Variants in DNAH17 observed in about 807,000 individuals in gnomAD.
The protein encoded by DNAH17 is dynein axonemal heavy chain 17.
DNAH17 carries 376 observed loss-of-function variants against 485.6 expected under a neutral mutation model. The observed-to-expected ratio is 0.77, with a 90% CI of 0.71 to 0.84. DNAH17 has a LOEUF of 0.84. Among genes scored for constraint, DNAH17 ranks in the 40% least tolerant of loss-of-function variants. The pLI is 0.00. For missense variants in DNAH17, 6,370 were observed against 5,839.3 expected (o/e 1.09, Z -2.96); for synonymous variants, 3,031 against 2,405.9 (o/e 1.26, Z -7.60).
Position 78,485,986 on chromosome 17 carries a change from C to G in DNAH17, c.7249G>C (p.Glu2417Gln). 1 of 1,613,254 alleles carries G rather than the reference C, an allele frequency of 6.2e-7. No individual in the cohort carries two copies. The highest frequency in any genetic ancestry group is 8.5e-7 in the Non-Finnish European group (1 of 1,179,820). Residue 2417 changes from glutamate (E) to glutamine (Q), a missense_variant, in exon 46 of 81, where the codon GAG becomes CAG. Transcript: ENST00000389840. The part of the protein sequence containing the change: ...LPWTDKVPSF[E>Q]LDPDVPLQAS... ...TGCAGTGGGACATCGGGATCCAGCT[C>G]AAAGGAGGGCACTTTATCTGTCCAG...
chr17:78,511,111 A>T (rs555680236), intron 26 of DNAH17, among the ~76,000 whole-genome samples: 124 of 152,268 alleles, frequency 8.1e-4, no homozygotes, highest in African/African-American at 2.9e-3. Context: ...GAGAAAACAC[A>T]GGTCTGTTTT....
In DNAH17 at chr17:78,426,474, G is replaced by A. The variant is rs764761137; in HGVS notation, c.12898C>T (p.Leu4300=). 1.5e-5 allele frequency: 24 copies of A among 1,608,248 alleles called. No individual in the cohort carries two copies. The African/African-American group carries it at 1.9e-4, about 13-fold the overall frequency. ...GCACTTACCCTGATGCGGAGCAGCA[G>A]GTCTGCGTACCAGGCCGCCAGGCCC... ...MMGLAAWYAD[L]LLRIRELEAW... The change falls in exon 79 of 81, where the codon CTG becomes TTG. Residue 4300 remains leucine (L), a synonymous_variant. Transcript: ENST00000389840.
At chr17:78,535,105 G>A (rs377582193) in intron 19 of DNAH17, among the ~76,000 whole-genome samples, 12 of 152,270 alleles carry the variant, frequency 7.9e-5, no homozygotes, top group African/African-American at 2.9e-4. Flanking sequence ...AGCGTCCCAG[G>A]GTGTCTGCAA....
chr17:78,572,825 C>T lies in DNAH17; in HGVS notation c.415G>A (p.Val139Met), dbSNP rs768709914. Residue 139 changes from valine to methionine, a missense_variant, in exon 3 of 81, where the codon GTG becomes ATG. Coordinates refer to ENST00000389840, the MANE Select transcript of DNAH17 (RefSeq NM_173628.4). ...TTCTTCAGCCTGTGGACCTGCTTCA[C>T]GATGTCTTCCGAGACCACCTGGGGC... The part of the protein sequence containing the change: ...GWPQVVSEDI[V>M]KQVHRLKNEM... The T allele has an allele frequency of 1.4e-5, 22 of 1,613,858 alleles. No homozygotes were observed. The highest frequency in any genetic ancestry group is 3.3e-5 in the South Asian group (3 of 91,072).
intron 22 of DNAH17, among the ~76,000 whole-genome samples, chr17:78,528,319 G>A (rs2091132925): frequency 6.6e-6 from 1 of 152,082 alleles, no homozygotes; most frequent in South Asian, 2.1e-4. Context: ...AGAGTCCAGT[G>A]GTACAATCAT....
intron 48 of DNAH17, 66 bp downstream of exon 48, chr17:78,484,802 C>CCCGCCCTGGCCCCGCCCTCA: frequency 8.1e-7 from 1 of 1,234,218 alleles, no homozygotes; most frequent in Non-Finnish European, 1.0e-6. Flanking sequence ...CTTCCTGCGC[C>CCCGCCCTGGCCCCGCCCTCA]CCGCCCTGGC....
Position 78,453,365 on chromosome 17 carries a change from T to C in DNAH17, c.10507A>G (p.Arg3503Gly). 2 of 1,613,690 alleles carry C rather than the reference T, an allele frequency of 1.2e-6. No individual in the cohort carries two copies. Among genetic ancestry groups the C allele is most frequent in the Non-Finnish European group, 1.7e-6 (2 of 1,179,760 alleles). Residue 3503 changes from arginine (R) to glycine (G), a missense_variant, in exon 65 of 81, where the codon AGG (arginine) becomes GGG (glycine). By Grantham distance (125) the Arg-to-Gly change is moderately radical. Coordinates refer to ENST00000389840, the MANE Select transcript of DNAH17 (RefSeq NM_173628.4). Reference sequence around the variant, plus strand: ...CACTTTCCCTTTTTAATCGTGTTCCTGCCCAGTAGAGGGTCCAGCACGGGG... The same window carrying C: ...CACTTTCCCTTTTTAATCGTGTTCCCGCCCAGTAGAGGGTCCAGCACGGGG... ...VDPVLDPLLG[R>G]NTIKKGKYIK...
chr17:78,543,722 G>T, intron 17 of DNAH17, 135 bp downstream of exon 17: 1 of 1,352,374 alleles, frequency 7.4e-7, no homozygotes, highest in Non-Finnish European at 1.0e-6. Context: ...ACTGCATCCA[G>T]CCAGGTCACA....
At position 78,503,211 on chromosome 17, in the gene DNAH17, G is replaced by C. The variant is rs2090363333; in HGVS notation, c.4957-200C>G. The stretch of plus-strand genomic sequence containing the variant: ...TTTTTTTTTTTTAAGATGGAGTCTT[G>C]CTCTGTCACCCAGGCTGGAGTGCAG... On this transcript the variant is annotated intron_variant, in intron 31 of 80. Transcript: ENST00000389840. 4.2e-5 allele frequency among the ~76,000 whole-genome samples: 5 copies of C among 118,292 alleles called. No homozygotes were observed. In the South Asian group the frequency reaches 1.4e-3, roughly 34 times the overall value. The allele number at this position is 118,292 out of a possible 152,430, so 77.6% of individuals were successfully genotyped here.
At position 78,514,955 on chromosome 17, in the gene DNAH17, A is replaced by G. The variant is rs1568183519; in HGVS notation, c.3932T>C (p.Ile1311Thr). Residue 1311 changes from isoleucine to threonine, a missense_variant, in exon 26 of 81, where the codon ATA becomes ACA. Ile to Thr is a moderately conservative substitution (Grantham distance 89). Coordinates refer to ENST00000389840, the MANE Select transcript of DNAH17 (RefSeq NM_173628.4). ...GTCCTTGGCAAACTTCTTACAATCT[A>G]TGTCCATCTGCTCAACGTTGATATC... ...WKDINVEQMD[I>T]DCKKFAKDMR... is the part of the protein sequence containing the mutation. The G allele has an allele frequency of 6.2e-7, 1 of 1,613,930 alleles. No homozygotes were observed.
At chr17:78,434,850 G>C (rs888884305) in intron 74 of DNAH17, among the ~76,000 whole-genome samples, 6 of 152,330 alleles carry the variant, frequency 3.9e-5, no homozygotes, top group Admixed American at 2.6e-4. Flanking sequence ...TGCTCCACCT[G>C]CTCTACTCAG....
intron 2 of DNAH17, 142 bp downstream of exon 2, chr17:78,574,571 C>G (rs561377641): frequency 1.4e-6 from 1 of 710,660 alleles, no homozygotes; most frequent in African/African-American, 1.8e-5. Flanking sequence ...TGGACGGGGC[C>G]CGAGCGCCTG....
intron 53 of DNAH17, 89 bp downstream of exon 53, chr17:78,475,580 C>T (rs1463996194): frequency 1.2e-6 from 2 of 1,602,160 alleles, no homozygotes; most frequent in South Asian, 1.1e-5. Context: ...CGCAGCCCCA[C>T]ACAATGCCAC....
Position 78,495,117 on chromosome 17 carries a change from C to T in DNAH17, c.5904-20G>A, listed in dbSNP as rs778610377. ...CAGGGCCTGGGGAGGTCAGCGGTGC[C>T]TGTGGGCTTCTGCCCACTCCCTCCC... On this transcript the variant is annotated intron_variant, in intron 38 of 80. Coordinates refer to ENST00000389840, the MANE Select transcript of DNAH17 (RefSeq NM_173628.4). The T allele has an allele frequency of 2.5e-5, 40 of 1,579,182 alleles. No homozygotes were observed. Among genetic ancestry groups the T allele is most frequent in the Non-Finnish European group, 3.1e-5 (36 of 1,161,660 alleles).
At chr17:78,432,362 C>A (rs914928255) in intron 75 of DNAH17, among the ~76,000 whole-genome samples, 3 of 140,380 alleles carry the variant, frequency 2.1e-5, no homozygotes, top group African/African-American at 8.1e-5. Context: ...GGTGAAATGT[C>A]CGGCCGGCAC....
chr17:78,506,883 C>T, intron 29 of DNAH17, 37 bp from the exon 30 acceptor site: 1 of 1,613,026 alleles, frequency 6.2e-7, no homozygotes, highest in South Asian at 1.1e-5. Flanking sequence ...GGCCGGTGAC[C>T]CTACTCTGTA....
At chr17:78,548,491 A>T (rs947769268) in intron 16 of DNAH17, among the ~76,000 whole-genome samples, 2 of 152,184 alleles carry the variant, frequency 1.3e-5, no homozygotes, top group African/African-American at 4.8e-5. Context: ...CGCATGAGCC[A>T]CTGCACCCGG....
chr17:78,503,406 C>T (rs575734182), intron 31 of DNAH17, among the ~76,000 whole-genome samples: 3 of 148,194 alleles, frequency 2.0e-5, no homozygotes, highest in Admixed American at 6.8e-5. Flanking sequence ...AGGATGGTCT[C>T]GATCTCCTGA....
intron 16 of DNAH17, among the ~76,000 whole-genome samples, chr17:78,546,590 T>C (rs1205407251): frequency 1.3e-5 from 2 of 152,212 alleles, no homozygotes. Flanking sequence ...TTAAGTCTTT[T>C]AAATGTTTCT....
Sources: gnomAD v4.1 joint callset for allele counts (sites outside exome capture counted in the v4.1 genomes callset) on GRCh38, gnomAD v4.1.1 for gene constraint, MANE v1.5 for transcripts, NCBI Gene and HGNC (gene_info 2026-07-23, HGNC 2026-07-21) for gene names.